The following CIP2A variants were observed in gnomAD, a reference collection of about 807,000 sequenced individuals.
The protein encoded by CIP2A is protein CIP2A.
Under a neutral mutation model 110.9 loss-of-function variants are expected in CIP2A, and 103 were observed. The observed-to-expected ratio is 0.93, with a 90% CI of 0.79 to 1.09. The LOEUF (loss-of-function observed/expected upper bound fraction) is 1.09, where lower values mean the gene tolerates loss of function less well. CIP2A is among the 50% of genes least tolerant of loss of function. The probability of loss-of-function intolerance (pLI) is 0.00; values close to 1 mark genes in which losing one functional copy is unlikely to be tolerated. For synonymous variants in CIP2A, 381 were observed against 361.6 expected (o/e 1.05, Z -0.61); for missense variants, 1,088 against 1,038.4 (o/e 1.05, Z -0.66).
rs1156612777 is a variant in CIP2A, at chr3:108,582,100, A to G, written c.452+8T>C. The stretch of plus-strand genomic sequence containing the variant: ...ACTATTTGGTTTTATGTTTGATTGC[A>G]TACTCACATGTGATCTATCAGGAAC... On this transcript the variant is annotated splice_region_variant and intron_variant, in intron 4 of 20. Coordinates refer to ENST00000295746, the MANE Select transcript of CIP2A (RefSeq NM_020890.3). 3 of 1,263,980 alleles carry G rather than the reference A, an allele frequency of 2.4e-6. No individual in the cohort carries two copies. The highest frequency in any genetic ancestry group is 2.2e-6 in the Non-Finnish European group (2 of 895,590). 78.3% of individuals were successfully genotyped at this position (1,263,980 alleles called of 1,614,324 possible).
Position 108,551,093 on chromosome 3 carries a change from ATAGAT to A in CIP2A, c.*51_*55del. 1 of 512,056 alleles carries A rather than the reference ATAGAT, an allele frequency of 2.0e-6. No homozygotes were observed. Among genetic ancestry groups the A allele is most frequent in the Non-Finnish European group, 3.1e-6 (1 of 325,704 alleles). The allele number at this position is 512,056 out of a possible 1,614,324, so 31.7% of individuals were successfully genotyped here. On this transcript the variant is annotated 3_prime_UTR_variant, in exon 21 of 21. Transcript: ENST00000295746. ...AACTCCCCTACCCACCCCCCCTCCA[ATAGAT>A]AAATACATCAAAAATATCATGAGAT...
chr3:108,571,056 G>T (rs1300813364), intron 8 of CIP2A, among the ~76,000 whole-genome samples: 1 of 152,022 alleles, frequency 6.6e-6, no homozygotes, highest in Non-Finnish European at 1.5e-5. Flanking sequence ...CAGGGCCAGG[G>T]TAATCAACAC....
chr3:108,566,950 T>C (rs1938210696), intron 10 of CIP2A, among the ~76,000 whole-genome samples: 1 of 151,988 alleles, frequency 6.6e-6, no homozygotes, highest in South Asian at 2.1e-4. Flanking sequence ...GGGTAAGTTG[T>C]TTTGTCATAT....
At chr3:108,558,884 A>G (rs1217014543) in intron 16 of CIP2A, among the ~76,000 whole-genome samples, 2 of 152,190 alleles carry the variant, frequency 1.3e-5, no homozygotes, top group Non-Finnish European at 2.9e-5. Flanking sequence ...TGAGGCCTAT[A>G]TAGTTAGAAT....
At chr3:108,567,799 G>T (rs1938237639) in intron 10 of CIP2A, among the ~76,000 whole-genome samples, 1 of 151,758 alleles carries the variant, frequency 6.6e-6, no homozygotes, top group African/African-American at 2.4e-5. Flanking sequence ...CGTCCGTCCA[G>T]GGGAAATAAT....
At chr3:108,581,999 C>T in intron 4 of CIP2A, 109 bp downstream of exon 4, 1 of 507,262 alleles carries the variant, frequency 2.0e-6, no homozygotes, top group East Asian at 3.2e-5. Context: ...GAGTCTCACT[C>T]AGTTTATATG....
intron 12 of CIP2A, among the ~76,000 whole-genome samples, chr3:108,563,698 A>T (rs898414460): frequency 6.6e-6 from 1 of 152,112 alleles, no homozygotes; most frequent in Non-Finnish European, 1.5e-5. Flanking sequence ...CAGTTACTTC[A>T]ATCATTTATG....
At chr3:108,559,088 G>C (rs1937909794) in intron 16 of CIP2A, among the ~76,000 whole-genome samples, 1 of 152,080 alleles carries the variant, frequency 6.6e-6, no homozygotes, top group Admixed American at 6.6e-5. Flanking sequence ...GAAGACTACA[G>C]GTAGGAAGAC....
chr3:108,563,954 A>T (rs191719345), intron 12 of CIP2A, among the ~76,000 whole-genome samples: 14 of 152,132 alleles, frequency 9.2e-5, no homozygotes, highest in African/African-American at 3.4e-4. Flanking sequence ...TTCAGATTTC[A>T]GATTTTCAAA....
chr3:108,552,642 G>A (rs1410722206), intron 19 of CIP2A, among the ~76,000 whole-genome samples: 1 of 152,094 alleles, frequency 6.6e-6, no homozygotes, highest in East Asian at 1.9e-4. Flanking sequence ...AAATTATATA[G>A]GTAGGTGCCT....
intron 14 of CIP2A, 23 bp downstream of exon 14, chr3:108,560,626 A>C (rs1422290249): frequency 6.7e-7 from 1 of 1,494,108 alleles, no homozygotes. Context: ...GTACCAGGTT[A>C]TAATTGCTAT....
Position 108,557,394 on chromosome 3 carries a change from C to A in CIP2A, c.2034G>T (p.Met678Ile). Residue 678 changes from methionine (M) to isoleucine (I), a missense_variant, in exon 17 of 21, where the codon ATG (methionine) becomes ATT (isoleucine). Physicochemically the swap from Met to Ile is conservative, Grantham distance 10. Coordinates refer to ENST00000295746, the MANE Select transcript of CIP2A (RefSeq NM_020890.3). ...CATTTTTTCTCTCAACTTCTCTCAA[C>A]ATACTAGCAAGTGTCCGTGCCTCAA... ...AETEARTLASMLREVERKNEE... is the reference protein window; with the variant it reads ...AETEARTLASILREVERKNEE... 1 of 1,599,962 alleles carries A rather than the reference C, an allele frequency of 6.3e-7. No individual in the cohort carries two copies. The highest frequency in any genetic ancestry group is 1.1e-5 in the South Asian group (1 of 89,242).
At position 108,560,713 on chromosome 3, in the gene CIP2A, A is replaced by G; in HGVS notation, c.1763T>C (p.Leu588Ser). Reference protein sequence around the residue: ...PTSIKCLTPHLKDGVPGLNIE... With the variant: ...PTSIKCLTPHSKDGVPGLNIE... ...ATTCAATCCAGGAACACCATCTTTC[A>G]AATGAGGAGTTAAACACTTTATTGA... The change falls in exon 14 of 21, where the codon TTG becomes TCG. Residue 588 changes from leucine to serine, a missense_variant. Physicochemically the swap from Leu to Ser is moderately radical, Grantham distance 145. Transcript: ENST00000295746. 6.2e-7 allele frequency: 1 copy of G among 1,611,360 alleles called. No individual in the cohort carries two copies. The highest frequency in any genetic ancestry group is 8.5e-7 in the Non-Finnish European group (1 of 1,178,738).
chr3:108,568,867 G>T (rs1252410556), intron 9 of CIP2A, among the ~76,000 whole-genome samples: 1 of 151,708 alleles, frequency 6.6e-6, no homozygotes, highest in African/African-American at 2.4e-5. Flanking sequence ...AGGAGATATT[G>T]GGTTAGACAG....
Position 108,560,705 on chromosome 3 carries a change from C to T in CIP2A, c.1771G>A (p.Gly591Ser). ...TCTTCAATATTCAATCCAGGAACAC[C>T]ATCTTTCAAATGAGGAGTTAAACAC... ...IKCLTPHLKD[G>S]VPGLNIEELI... The change falls in exon 14 of 21, where the codon GGT becomes AGT. Residue 591 changes from glycine (G) to serine (S), a missense_variant. Coordinates refer to ENST00000295746, the MANE Select transcript of CIP2A (RefSeq NM_020890.3). 1 of 1,610,718 alleles carries T rather than the reference C, an allele frequency of 6.2e-7. No individual in the cohort carries two copies.
chr3:108,553,566 A>AT lies in CIP2A; in HGVS notation c.2407+81dup, dbSNP rs201747562. 5.4e-5 allele frequency: 61 copies of AT among 1,132,528 alleles called. No homozygotes were observed. In the Admixed American group the frequency reaches 1.6e-3, roughly 29 times the overall value. 70.2% of individuals were successfully genotyped at this position (1,132,528 alleles called of 1,614,324 possible). A position where few individuals can be genotyped will look rare whatever the true frequency, so the allele number is the denominator to read the frequency against. On this transcript the variant is annotated intron_variant, in intron 19 of 20. Transcript: ENST00000295746. ...TAAAGTTTAAAACAATAAGTAGAAA[A>AT]TAAAAAAGCAAACAAAACCACTCAT...
chr3:108,589,226 G>C (rs369304454), intron 1 of CIP2A, 48 bp downstream of exon 1: 2 of 1,411,816 alleles, frequency 1.4e-6, no homozygotes, highest in Non-Finnish European at 2.0e-6. Flanking sequence ...TGTGAAATAA[G>C]AATTGCTAGG....
At chr3:108,560,437 T>A (rs984659200) in intron 14 of CIP2A, among the ~76,000 whole-genome samples, 14 of 152,204 alleles carry the variant, frequency 9.2e-5, no homozygotes, top group Non-Finnish European at 1.8e-4. Context: ...CCTCCCAAAA[T>A]GCTGGGATTA....
rs1366600212 is a variant in CIP2A, at chr3:108,578,208, C to A, written c.818+1073G>T. Among the ~76,000 whole-genome samples, 8 of 152,170 alleles carry A rather than the reference C, an allele frequency of 5.3e-5. 1 individual carries two copies. The highest frequency in any genetic ancestry group is 5.2e-4 in the Admixed American group (8 of 15,274). Reference sequence around the variant, plus strand: ...TCTTATTAATGCTAAACTGGATTATCTTTTAGTCTTCCAGACGAGGTTTAT... The same window carrying A: ...TCTTATTAATGCTAAACTGGATTATATTTTAGTCTTCCAGACGAGGTTTAT... On this transcript the variant is annotated intron_variant, in intron 7 of 20. Coordinates refer to ENST00000295746, the MANE Select transcript of CIP2A (RefSeq NM_020890.3).
Sources: allele counts gnomAD v4.1 joint callset (sites outside exome capture counted in the v4.1 genomes callset), GRCh38; gene constraint gnomAD v4.1.1; transcripts MANE v1.5; gene names NCBI Gene and HGNC (gene_info 2026-07-23, HGNC 2026-07-21).